GPHN: variants seen among roughly 807,000 people sequenced by gnomAD.
GPHN encodes gephyrin.
GPHN carries 17 observed loss-of-function variants against 95.5 expected under a neutral mutation model. The observed-to-expected ratio is 0.18, with a 90% CI of 0.12 to 0.27. The LOEUF (loss-of-function observed/expected upper bound fraction) is 0.27. Ranked by LOEUF, GPHN falls within the 10% of genes least tolerant of loss-of-function variation. GPHN has a pLI of 1.00. For missense variants in GPHN, 660 were observed against 978.1 expected (o/e 0.67, Z 4.34); for synonymous variants, 320 against 322.5 (o/e 0.99, Z 0.08).
the GPHN span, among the ~76,000 whole-genome samples, chr14:67,536,559 T>C: frequency 6.6e-6 from 1 of 151,798 alleles, no homozygotes; most frequent in Non-Finnish European, 1.5e-5. Flanking sequence ...ATAGAGGCAA[T>C]GAGCTATTTT....
At chr14:66,908,775 C>T (rs1224115263) in intron 5 of GPHN, among the ~76,000 whole-genome samples, 2 of 151,734 alleles carry the variant, frequency 1.3e-5, no homozygotes, top group Non-Finnish European at 2.9e-5. Flanking sequence ...CTATAGTCTT[C>T]TTCCAAAAAT....
intron 1 of GPHN, among the ~76,000 whole-genome samples, chr14:66,533,345 T>C (rs1006688692): frequency 2.1e-4 from 32 of 152,220 alleles, no homozygotes; most frequent in African/African-American, 6.5e-4. Context: ...ATGATCTTAC[T>C]CTGTTGCCAC....
At chr14:67,513,281 A>G in the GPHN span, among the ~76,000 whole-genome samples, 1 of 152,326 alleles carries the variant, frequency 6.6e-6, no homozygotes, top group Non-Finnish European at 1.5e-5. Flanking sequence ...CCAGTGGGGA[A>G]TTGAGTGAAA....
At chr14:66,787,970 AC>A (rs1225988918) in intron 3 of GPHN, among the ~76,000 whole-genome samples, 1 of 152,156 alleles carries the variant, frequency 6.6e-6, no homozygotes, top group African/African-American at 2.4e-5. Flanking sequence ...CACGGTTCAT[AC>A]AATGTAAATT....
chr14:66,769,117 G>A (rs922012345), intron 2 of GPHN, among the ~76,000 whole-genome samples: 1 of 151,894 alleles, frequency 6.6e-6, no homozygotes, highest in African/African-American at 2.4e-5. Flanking sequence ...AGGCTGAAGA[G>A]GTATGATTCT....
the GPHN span, chr14:67,674,597 C>A: frequency 4.8e-6 from 4 of 841,496 alleles, no homozygotes; most frequent in Non-Finnish European, 6.8e-6. Flanking sequence ...GACCGCCGCA[C>A]CACCGCCGCC....
the GPHN span, among the ~76,000 whole-genome samples, chr14:67,225,960 T>TGCGCGC: frequency 1.5e-4 from 18 of 119,806 alleles, no homozygotes; most frequent in African/African-American, 7.9e-4. Flanking sequence ...TGTGTGTGTG[T>TGCGCGC]GTGCGCGCGC....
At chr14:67,727,279 G>C in the GPHN span, 1 of 916,206 alleles carries the variant, frequency 1.1e-6, no homozygotes, top group African/African-American at 1.6e-5. Flanking sequence ...TGTCAAACAT[G>C]CACGTGTCAG....
intron 8 of GPHN, among the ~76,000 whole-genome samples, chr14:66,956,811 G>A (rs2068540223): frequency 6.6e-6 from 1 of 151,950 alleles, no homozygotes; most frequent in Non-Finnish European, 1.5e-5. Context: ...CATGTCCTTT[G>A]TAGGGATATG....
At chr14:67,575,855 G>A in the GPHN span, 19 of 1,613,750 alleles carry the variant, frequency 1.2e-5, no homozygotes, top group South Asian at 5.5e-5. Context: ...TGCGGGATGC[G>A]CACATAGAGG....
At chr14:67,090,078 A>G (rs2077086078) in intron 12 of GPHN, among the ~76,000 whole-genome samples, 2 of 152,138 alleles carry the variant, frequency 1.3e-5, no homozygotes, top group Non-Finnish European at 2.9e-5. Flanking sequence ...TTTTCAAACT[A>G]TGATACATTG....
chr14:67,466,925 G>A, the GPHN span, among the ~76,000 whole-genome samples: 2 of 151,202 alleles, frequency 1.3e-5, no homozygotes, highest in African/African-American at 4.9e-5. Context: ...AACCCGGGAG[G>A]TGGAGGTTGC....
chr14:67,725,077 T>C, the GPHN span: 1 of 1,611,416 alleles, frequency 6.2e-7, no homozygotes, highest in Non-Finnish European at 8.5e-7. Context: ...AACATACTGC[T>C]CTTTTTTTGT....
chr14:67,374,427 C>A, the GPHN span: 1 of 1,302,602 alleles, frequency 7.7e-7, no homozygotes, highest in Non-Finnish European at 1.1e-6. Flanking sequence ...AGTACAGTGG[C>A]ATCTGGACAG....
At chr14:67,210,172 A>G in the GPHN span, among the ~76,000 whole-genome samples, 1 of 152,246 alleles carries the variant, frequency 6.6e-6, no homozygotes, top group Non-Finnish European at 1.5e-5. Context: ...AGCGTTTCAT[A>G]TGGAAAACCT....
the GPHN span, chr14:67,695,489 C>T: frequency 1.3e-6 from 1 of 772,920 alleles, no homozygotes; most frequent in Non-Finnish European, 2.0e-6. Flanking sequence ...TGGACCTCGC[C>T]TCCAACCCAC....
At chr14:66,874,129 T>A (rs1345760355) in intron 4 of GPHN, among the ~76,000 whole-genome samples, 1 of 152,152 alleles carries the variant, frequency 6.6e-6, no homozygotes, top group Non-Finnish European at 1.5e-5. Flanking sequence ...AGAGTGGACA[T>A]CCAGCAAACT....
chr14:67,380,140 C>A, the GPHN span, among the ~76,000 whole-genome samples: 1 of 152,100 alleles, frequency 6.6e-6, no homozygotes, highest in African/African-American at 2.4e-5. Flanking sequence ...TTCATATTTT[C>A]ATTTGCTCAC....
chr14:67,201,523 G>T, the GPHN span: 2 of 455,828 alleles, frequency 4.4e-6, no homozygotes, highest in Non-Finnish European at 8.8e-6. Context: ...CTGTCTCCTG[G>T]TGGCTCTGAG....
Sources: allele counts gnomAD v4.1 joint callset (sites outside exome capture counted in the v4.1 genomes callset), GRCh38; gene constraint gnomAD v4.1.1; transcripts MANE v1.5; gene names NCBI Gene and HGNC (gene_info 2026-07-23, HGNC 2026-07-21).